AGTPBP1: variants seen among roughly 807,000 people sequenced by gnomAD.
AGTPBP1 encodes the protein cytosolic carboxypeptidase 1.
Under a neutral mutation model 143.9 loss-of-function variants are expected in AGTPBP1, and 70 were observed. That is an observed-to-expected ratio of 0.49 (90% CI 0.40 to 0.59). The LOEUF (loss-of-function observed/expected upper bound fraction) is 0.59. Ranked by LOEUF, AGTPBP1 falls within the 20% of genes least tolerant of loss-of-function variation. AGTPBP1 has a pLI of 0.00. For synonymous variants in AGTPBP1, 463 were observed against 500.2 expected (o/e 0.93, Z 0.99); for missense variants, 1,229 against 1,464.5 (o/e 0.84, Z 2.62).
At chr9:85,716,479 G>C (rs527428605) in intron 1 of AGTPBP1, among the ~76,000 whole-genome samples, 3 of 152,118 alleles carry the variant, frequency 2.0e-5, no homozygotes, top group Non-Finnish European at 4.4e-5. Context: ...TCCCTTCCAA[G>C]TGTGCTCTAC....
chr9:85,753,797 GAT>G, the AGTPBP1 span, among the ~76,000 whole-genome samples: 1 of 150,498 alleles, frequency 6.6e-6, no homozygotes, highest in South Asian at 2.1e-4. Context: ...TAGATAGATA[GAT>G]AGATAGATGT....
chr9:85,550,192 T>TGACA (rs72089458), intron 25 of AGTPBP1, among the ~76,000 whole-genome samples: 16 of 145,256 alleles, frequency 1.1e-4, no homozygotes, highest in African/African-American at 4.2e-4. Flanking sequence ...TGTGTGTGTG[T>TGACA]GTGAGAGAGA....
chr9:85,713,851 ACT>A (rs1412831851), intron 1 of AGTPBP1, among the ~76,000 whole-genome samples: 2 of 152,168 alleles, frequency 1.3e-5, no homozygotes, highest in African/African-American at 4.8e-5. Flanking sequence ...AATTTTTTTT[ACT>A]CTTTTTTAAG....
intron 2 of AGTPBP1, among the ~76,000 whole-genome samples, chr9:85,698,961 G>T (rs1222942791): frequency 2.0e-5 from 3 of 151,716 alleles, no homozygotes; most frequent in Admixed American, 2.0e-4. Context: ...CCAAAGCGCT[G>T]AGATTACACA....
the AGTPBP1 span, chr9:85,764,978 G>A: frequency 1.4e-6 from 1 of 740,382 alleles, no homozygotes. Flanking sequence ...TCACTTGAGT[G>A]ATTTCCTCAG....
At position 85,677,518 on chromosome 9, in the gene AGTPBP1, A is replaced by G. The variant is rs751924099; in HGVS notation, c.354T>C (p.Leu118=). 1.2e-6 allele frequency: 2 copies of G among 1,604,410 alleles called. No individual in the cohort carries two copies. Among genetic ancestry groups the G allele is most frequent in the Admixed American group, 3.4e-5 (2 of 58,824 alleles). The change falls in exon 6 of 26, where the codon CTT becomes CTC. Residue 118 remains leucine, a synonymous_variant. Coordinates refer to ENST00000357081, the MANE Select transcript of AGTPBP1 (RefSeq NM_001330701.2). The part of the protein sequence containing the change: ...KGGSQILLQL[L]MNASKESPPH... The stretch of plus-strand genomic sequence containing the variant: ...GGGGAGATTCTTTGCTGGCATTCAT[A>G]AGTAACTGCAACAATATTTGTGAAC...
At chr9:85,775,851 T>C in the AGTPBP1 span, among the ~76,000 whole-genome samples, 6 of 152,132 alleles carry the variant, frequency 3.9e-5, no homozygotes, top group Non-Finnish European at 5.9e-5. Context: ...GTGCACCAGA[T>C]TGAGGTTGGA....
chr9:85,804,728 G>T, the AGTPBP1 span, among the ~76,000 whole-genome samples: 2 of 152,168 alleles, frequency 1.3e-5, no homozygotes, highest in Non-Finnish European at 2.9e-5. Context: ...AGTCCACTAC[G>T]ACCTGATGGA....
rs749449767 is a variant in AGTPBP1, at chr9:85,657,397, T to C, written c.909+38A>G. The C allele has an allele frequency of 3.3e-5, 50 of 1,508,202 alleles. 1 individual carries two copies. The South Asian group carries it at 5.8e-4, about 17-fold the overall frequency. The allele number at this position is 1,508,202 out of a possible 1,614,324, so 93.4% of individuals were successfully genotyped here. A position where few individuals can be genotyped will look rare whatever the true frequency, so the allele number is the denominator to read the frequency against. ...TTTCTTAACAACCAAATCATATTAT[T>C]AGTACATAATCACAATAATAAGAAG... is the stretch of plus-strand genomic sequence containing the variant. On this transcript the variant is annotated intron_variant, in intron 10 of 25. Transcript: ENST00000357081.
intron 14 of AGTPBP1, among the ~76,000 whole-genome samples, chr9:85,629,211 G>T (rs1010703391): frequency 2.6e-5 from 4 of 152,080 alleles, no homozygotes; most frequent in African/African-American, 9.7e-5. Flanking sequence ...GAACTCAGTG[G>T]TATATTAGAC....
At chr9:85,646,987 A>G (rs560711741) in intron 11 of AGTPBP1, among the ~76,000 whole-genome samples, 9 of 152,242 alleles carry the variant, frequency 5.9e-5, no homozygotes, top group African/African-American at 1.9e-4. Flanking sequence ...GTTTTAAGAA[A>G]ATTTATGAGG....
the AGTPBP1 span, among the ~76,000 whole-genome samples, chr9:85,775,737 G>A: frequency 6.6e-6 from 1 of 151,950 alleles, no homozygotes; most frequent in Non-Finnish European, 1.5e-5. Flanking sequence ...TTCGAGGACA[G>A]GAAGCATTCA....
Position 85,682,172 on chromosome 9 carries a change from T to TAAAAA in AGTPBP1, c.158-842_158-838dup, listed in dbSNP as rs745339958. On this transcript the variant is annotated intron_variant, in intron 3 of 25. Coordinates refer to ENST00000357081, the MANE Select transcript of AGTPBP1 (RefSeq NM_001330701.2). ...TCCTTTTCCTCTCATTAGGATTGGTTAAAAAAAAAAAAAAAAAAAAAAAAA... is the reference window on the plus strand; with the variant it reads ...TCCTTTTCCTCTCATTAGGATTGGTTAAAAAAAAAAAAAAAAAAAAAAAAAAAAAA... Among the ~76,000 whole-genome samples the TAAAAA allele has an allele frequency of 5.4e-4, 46 of 85,808 alleles. 1 individual carries two copies. Among genetic ancestry groups the TAAAAA allele is most frequent in the African/African-American group, 9.3e-4 (21 of 22,570 alleles). 56.3% of individuals were successfully genotyped at this position (85,808 alleles called of 152,430 possible). A position where few individuals can be genotyped will look rare whatever the true frequency, so the allele number is the denominator to read the frequency against.
chr9:85,783,432 TAC>T, the AGTPBP1 span, among the ~76,000 whole-genome samples: 3 of 152,220 alleles, frequency 2.0e-5, no homozygotes, highest in African/African-American at 7.2e-5. Flanking sequence ...CTTTAAAATA[TAC>T]AGTTGCAATT....
At position 85,673,048 on chromosome 9, in the gene AGTPBP1, T is replaced by C. The variant is rs1834591415; in HGVS notation, c.437-367A>G. Among the ~76,000 whole-genome samples the C allele has an allele frequency of 1.3e-5, 2 of 152,144 alleles. 1 individual carries two copies. The highest frequency in any genetic ancestry group is 4.1e-4 in the South Asian group (2 of 4,828). The stretch of plus-strand genomic sequence containing the variant: ...CTGTGCCTGGCCCACATGTAAGTTT[T>C]GAATGAAATGATGATATTATAAATC... On this transcript the variant is annotated intron_variant, in intron 6 of 25. Transcript: ENST00000357081.
intron 20 of AGTPBP1, among the ~76,000 whole-genome samples, chr9:85,589,006 G>A (rs976687388): frequency 6.6e-6 from 1 of 151,366 alleles, no homozygotes; most frequent in African/African-American, 2.4e-5. Context: ...TCATATTTTC[G>A]ATACACAATA....
chr9:85,572,408 A>G (rs922697848), intron 25 of AGTPBP1, among the ~76,000 whole-genome samples: 2 of 152,114 alleles, frequency 1.3e-5, no homozygotes, highest in African/African-American at 2.4e-5. Flanking sequence ...GTCCCCTTAA[A>G]GAGTCTGATG....
the AGTPBP1 span, chr9:85,781,090 A>C: frequency 7.4e-7 from 1 of 1,348,402 alleles, no homozygotes; most frequent in Non-Finnish European, 9.6e-7. Context: ...ACTGCACTCT[A>C]GCCTGGGCGA....
chr9:85,787,590 A>G, the AGTPBP1 span, among the ~76,000 whole-genome samples: 117 of 152,252 alleles, frequency 7.7e-4, 1 homozygote, highest in African/African-American at 2.4e-3. Flanking sequence ...TATATAATGT[A>G]CAATTTAGTT....
Sources: gnomAD v4.1 joint callset for allele counts (sites outside exome capture counted in the v4.1 genomes callset) on GRCh38, gnomAD v4.1.1 for gene constraint, MANE v1.5 for transcripts, NCBI Gene and HGNC (gene_info 2026-07-23, HGNC 2026-07-21) for gene names.